ASTN2: variants seen among roughly 807,000 people sequenced by gnomAD.
ASTN2 encodes astrotactin 2.
ASTN2 carries 54 observed loss-of-function variants against 139.8 expected under a neutral mutation model. The observed-to-expected ratio is 0.39, with a 90% CI of 0.31 to 0.48. ASTN2 has a LOEUF of 0.48. Among genes scored for constraint, ASTN2 ranks in the 20% least tolerant of loss-of-function variants. ASTN2 has a pLI of 0.95. For synonymous variants in ASTN2, 756 were observed against 719.5 expected, an observed-to-expected ratio of 1.05 and a Z score of -0.81; for missense variants, 1,565 against 1,725.1, an observed-to-expected ratio of 0.91 and a Z score of 1.64.
intron 2 of ASTN2, among the ~76,000 whole-genome samples, chr9:117,220,119 A>G (rs1832466167): frequency 6.6e-6 from 1 of 152,224 alleles, no homozygotes; most frequent in Non-Finnish European, 1.5e-5. Context: ...ACAAAAGTCA[A>G]CAAATACTAG....
chr9:117,257,972 T>G (rs1833731466), intron 2 of ASTN2, among the ~76,000 whole-genome samples: 1 of 152,190 alleles, frequency 6.6e-6, no homozygotes. Context: ...TAGGTTTTTT[T>G]GTTGTTGTTT....
At chr9:116,956,084 TTTTTC>T (rs918001625) in intron 10 of ASTN2, among the ~76,000 whole-genome samples, 3 of 140,802 alleles carry the variant, frequency 2.1e-5, no homozygotes, top group African/African-American at 7.5e-5. Flanking sequence ...CTCTTTTTTC[TTTTTC>T]TTTTCTTTTT....
intron 3 of ASTN2, among the ~76,000 whole-genome samples, chr9:117,203,769 G>T (rs926563185): frequency 6.6e-6 from 1 of 152,140 alleles, no homozygotes; most frequent in Non-Finnish European, 1.5e-5. Context: ...GCACCAACCT[G>T]ATGCCAGTAG....
intron 10 of ASTN2, among the ~76,000 whole-genome samples, chr9:116,875,330 A>G (rs960118283): frequency 2.6e-5 from 4 of 152,240 alleles, no homozygotes; most frequent in African/African-American, 7.2e-5. Flanking sequence ...ACCAGCTACA[A>G]TATTCCCTTA....
intron 2 of ASTN2, among the ~76,000 whole-genome samples, chr9:117,262,211 G>A (rs1410889358): frequency 6.6e-6 from 1 of 152,024 alleles, no homozygotes; most frequent in Non-Finnish European, 1.5e-5. Context: ...CGGGAGAAAG[G>A]AGGAGGCCAC....
At chr9:116,950,613 G>A (rs1047297222) in intron 10 of ASTN2, among the ~76,000 whole-genome samples, 1 of 152,104 alleles carries the variant, frequency 6.6e-6, no homozygotes, top group Non-Finnish European at 1.5e-5. Context: ...AGTTTGTCAT[G>A]GGAAGTTACA....
chr9:116,916,282 G>A (rs1384161856), intron 10 of ASTN2, among the ~76,000 whole-genome samples: 3 of 152,168 alleles, frequency 2.0e-5, no homozygotes, highest in Non-Finnish European at 4.4e-5. Flanking sequence ...GACACCCAAA[G>A]TCTTGTGGTA....
intron 1 of ASTN2, among the ~76,000 whole-genome samples, chr9:117,358,916 CAAA>C (rs1471084034): frequency 1.3e-5 from 2 of 152,036 alleles, no homozygotes; most frequent in African/African-American, 2.4e-5. Context: ...CCTACCCAAC[CAAA>C]CTCACCTCTC....
intron 19 of ASTN2, chr9:116,578,820 T>C (rs1853835336): frequency 6.6e-6 from 1 of 152,092 alleles, no homozygotes; most frequent in Non-Finnish European, 1.5e-5. Flanking sequence ...CATTCTTGGA[T>C]AAAGTTATTA....
intron 7 of ASTN2, among the ~76,000 whole-genome samples, chr9:117,000,249 G>T (rs573302810): frequency 6.6e-6 from 1 of 152,078 alleles, no homozygotes. Context: ...AAAAAATAAG[G>T]CTTGAATATG....
intron 16 of ASTN2, among the ~76,000 whole-genome samples, chr9:116,678,122 T>A (rs1859619861): frequency 6.6e-6 from 1 of 152,230 alleles, no homozygotes; most frequent in African/African-American, 2.4e-5. Flanking sequence ...TGGTAAAATG[T>A]CTTAAAAATA....
intron 18 of ASTN2, among the ~76,000 whole-genome samples, chr9:116,620,096 A>G (rs1490737763): frequency 6.6e-6 from 1 of 152,138 alleles, no homozygotes; most frequent in Non-Finnish European, 1.5e-5. Flanking sequence ...CATTTAAAAC[A>G]AGCATGCACT....
At chr9:116,449,267 A>T (rs573089795) in intron 20 of ASTN2, among the ~76,000 whole-genome samples, 1 of 152,228 alleles carries the variant, frequency 6.6e-6, no homozygotes, top group Admixed American at 6.5e-5. Context: ...TTAGCTGTGC[A>T]TGGTGGTACA....
Position 117,039,928 on chromosome 9 carries a change from T to G in ASTN2, c.1314A>C (p.Thr438=). The G allele has an allele frequency of 6.2e-7, 1 of 1,613,718 alleles. No individual in the cohort carries two copies. The highest frequency in any genetic ancestry group is 2.2e-5 in the East Asian group (1 of 44,790). ...LKSPVNKTAL[T]LIAVSSCILA... is the part of the protein sequence containing the mutation. ...GGATGCAGGAACTCACAGCAATCAG[T>G]GTCAGGGCTGTCTTGTTCACTGGGC... is the stretch of plus-strand genomic sequence containing the variant. Residue 438 remains threonine (T), a synonymous_variant, in exon 6 of 23, where the codon ACA becomes ACC. Transcript: ENST00000313400.
At chr9:117,365,785 T>C (rs1244860393) in intron 1 of ASTN2, among the ~76,000 whole-genome samples, 1 of 152,214 alleles carries the variant, frequency 6.6e-6, no homozygotes, top group Non-Finnish European at 1.5e-5. Context: ...CAGGAGCATC[T>C]GAGCTTTGCC....
intron 11 of ASTN2, among the ~76,000 whole-genome samples, chr9:116,822,269 G>A (rs567532330): frequency 1.2e-3 from 180 of 152,278 alleles, no homozygotes; most frequent in African/African-American, 4.2e-3. Context: ...GCATGAGAGA[G>A]TTCTTCAAGA....
chr9:117,054,675 G>C (rs1263957294), intron 5 of ASTN2, among the ~76,000 whole-genome samples: 1 of 152,214 alleles, frequency 6.6e-6, no homozygotes, highest in Non-Finnish European at 1.5e-5. Flanking sequence ...ACATAGACTG[G>C]AGTGGTGGGA....
rs139909800 is a variant in ASTN2 at position 116,700,648 on chromosome 9, G to T, written c.2806+25123C>A. 1.8e-5 allele frequency: 3 copies of T among 167,072 alleles called. No homozygotes were observed. The East Asian group carries it at 5.8e-4, about 32-fold the overall frequency. 10.3% of individuals were successfully genotyped at this position (167,072 alleles called of 1,614,324 possible). A position where few individuals can be genotyped will look rare whatever the true frequency, so the allele number is the denominator to read the frequency against. ...ACTAAAACAAACAGCAAAACTATTG[G>T]TTTGTTATTCTGTGTTTTCCTCAAG... On this transcript the variant is annotated intron_variant, in intron 16 of 22. Transcript: ENST00000313400.
At chr9:116,973,947 T>C (rs539039153) in intron 10 of ASTN2, among the ~76,000 whole-genome samples, 13 of 152,292 alleles carry the variant, frequency 8.5e-5, no homozygotes, top group African/African-American at 1.9e-4. Context: ...AAAAACATCT[T>C]AAAGTAAGAG....
Sources: gnomAD v4.1 joint callset for allele counts (sites outside exome capture counted in the v4.1 genomes callset) on GRCh38, gnomAD v4.1.1 for gene constraint, MANE v1.5 for transcripts, NCBI Gene and HGNC (gene_info 2026-07-23, HGNC 2026-07-21) for gene names.